ARHGAP24: variants seen among roughly 807,000 people sequenced by gnomAD.
ARHGAP24 encodes rho GTPase-activating protein 24.
ARHGAP24 carries 50 observed loss-of-function variants against 76.4 expected under a neutral mutation model. That is an observed-to-expected ratio of 0.65 (90% CI 0.52 to 0.83). The LOEUF is 0.83. Among genes scored for constraint, ARHGAP24 ranks in the 40% least tolerant of loss-of-function variants. The probability of loss-of-function intolerance (pLI) is 0.00; values close to 1 mark genes in which losing one functional copy is unlikely to be tolerated. For missense variants in ARHGAP24, 930 were observed against 914.2 expected (o/e 1.02, Z -0.22); for synonymous variants, 345 against 323.3 (o/e 1.07, Z -0.72).
chr4:85,798,800 G>A (rs761609241), intron 3 of ARHGAP24, among the ~76,000 whole-genome samples: 42 of 151,982 alleles, frequency 2.8e-4, no homozygotes, highest in Admixed American at 6.6e-4. Context: ...GGTAAGAATC[G>A]GGAAACAAAG....
intron 3 of ARHGAP24, among the ~76,000 whole-genome samples, chr4:85,765,277 T>C (rs1726886943): frequency 6.6e-6 from 1 of 152,138 alleles, no homozygotes; most frequent in Non-Finnish European, 1.5e-5. Context: ...GTGAATTGGA[T>C]TGTGCAGTGA....
intron 5 of ARHGAP24, among the ~76,000 whole-genome samples, chr4:85,945,647 C>A (rs972050541): frequency 7.9e-5 from 12 of 151,012 alleles, no homozygotes; most frequent in South Asian, 4.2e-4. Flanking sequence ...GTAATCCCAG[C>A]TGCTTGGAAG....
chr4:85,937,358 A>T (rs900146454), intron 4 of ARHGAP24, among the ~76,000 whole-genome samples: 2 of 152,206 alleles, frequency 1.3e-5, no homozygotes, highest in Non-Finnish European at 2.9e-5. Context: ...TTTAAAAAAG[A>T]GATGACTTAT....
In ARHGAP24 at chr4:85,612,792, C is replaced by CTTTTTTTTTTTTTTTTTT. The variant is rs70948739; in HGVS notation, c.180+42076_180+42093dup. Among the ~76,000 whole-genome samples, 2 of 82,780 alleles carry CTTTTTTTTTTTTTTTTTT rather than the reference C, an allele frequency of 2.4e-5. 1 individual carries two copies. Among genetic ancestry groups the CTTTTTTTTTTTTTTTTTT allele is most frequent in the African/African-American group, 9.5e-5 (2 of 21,108 alleles). The allele number at this position is 82,780 out of a possible 152,430, so 54.3% of individuals were successfully genotyped here. On this transcript the variant is annotated intron_variant, in intron 2 of 9. Transcript: ENST00000395184. ...AGCTAAAGCCCTATCCTTTCCATTC[C>CTTTTTTTTTTTTTTTTTT]TTTTTTTTTTTTTTTTTTTTTTGTG...
intron 2 of ARHGAP24, among the ~76,000 whole-genome samples, chr4:85,597,475 G>A (rs1310564585): frequency 2.0e-5 from 3 of 151,956 alleles, no homozygotes; most frequent in Admixed American, 6.6e-5. Context: ...AAAGGGTGAG[G>A]GGTAAGGTGC....
intron 3 of ARHGAP24, among the ~76,000 whole-genome samples, chr4:85,911,570 T>C (rs1735087437): frequency 6.6e-6 from 1 of 152,198 alleles, no homozygotes; most frequent in Non-Finnish European, 1.5e-5. Context: ...TGGATGCTTA[T>C]GAGAACATTG....
intron 4 of ARHGAP24, among the ~76,000 whole-genome samples, chr4:85,927,499 T>C (rs1332640750): frequency 2.0e-5 from 3 of 152,230 alleles, no homozygotes; most frequent in Non-Finnish European, 2.9e-5. Context: ...ATGGGAATTA[T>C]ATCTCAATAA....
intron 3 of ARHGAP24, among the ~76,000 whole-genome samples, chr4:85,869,444 G>A (rs1172457529): frequency 5.9e-5 from 9 of 151,928 alleles, no homozygotes; most frequent in East Asian, 5.8e-4. Context: ...CTTAGGCATT[G>A]TTACAAGATG....
At chr4:85,828,105 T>C (rs1729808825) in intron 3 of ARHGAP24, 1 of 637,372 alleles carries the variant, frequency 1.6e-6, no homozygotes, top group Non-Finnish European at 2.5e-6. Context: ...GTTTTATTTA[T>C]ACCCTTGTTT....
At chr4:85,979,931 A>C (rs886638917) in intron 8 of ARHGAP24, among the ~76,000 whole-genome samples, 1 of 152,198 alleles carries the variant, frequency 6.6e-6, no homozygotes, top group African/African-American at 2.4e-5. Flanking sequence ...CCTTCACTGA[A>C]TCTCAAATTT....
At chr4:85,831,126 C>T (rs17011039) in intron 3 of ARHGAP24, among the ~76,000 whole-genome samples, 14,545 of 152,136 alleles carry the variant, frequency 0.096, 815 homozygotes, top group South Asian at 0.19. Flanking sequence ...GACCTCAAAT[C>T]GGATTCTAAT....
intron 2 of ARHGAP24, among the ~76,000 whole-genome samples, chr4:85,623,788 C>T (rs1720814724): frequency 6.6e-6 from 1 of 151,544 alleles, no homozygotes; most frequent in South Asian, 2.1e-4. Flanking sequence ...TTGTAGTTCT[C>T]CTTGAAGAGG....
intron 2 of ARHGAP24, among the ~76,000 whole-genome samples, chr4:85,633,761 G>C (rs1200563968): frequency 6.6e-6 from 1 of 151,764 alleles, no homozygotes; most frequent in East Asian, 1.9e-4. Flanking sequence ...TTTAGGGCAG[G>C]TATAGCTCTT....
At chr4:85,687,403 T>C (rs1723463659) in intron 2 of ARHGAP24, among the ~76,000 whole-genome samples, 1 of 152,080 alleles carries the variant, frequency 6.6e-6, no homozygotes, top group African/African-American at 2.4e-5. Flanking sequence ...CAATAGGTAG[T>C]TTTTTAATCC....
chr4:85,632,314 A>G (rs561961707), intron 2 of ARHGAP24, among the ~76,000 whole-genome samples: 1 of 152,082 alleles, frequency 6.6e-6, no homozygotes, highest in Admixed American at 6.6e-5. Context: ...TCTGCCACAC[A>G]TAAAGCCTGA....
At chr4:85,798,061 A>G (rs1158448878) in intron 3 of ARHGAP24, among the ~76,000 whole-genome samples, 1 of 20,146 alleles carries the variant, frequency 5.0e-5, no homozygotes, top group African/African-American at 6.4e-5. Context: ...CCTTGAGTTT[A>G]CTACTAAAAA....
chr4:85,972,114 G>A lies in ARHGAP24; in HGVS notation c.678G>A (p.Ala226=), dbSNP rs779409795. 7 of 1,613,546 alleles carry A rather than the reference G, an allele frequency of 4.3e-6. No individual in the cohort carries two copies. Among genetic ancestry groups the A allele is most frequent in the African/African-American group, 2.7e-5 (2 of 74,798 alleles). The change falls in exon 6 of 10, where the codon GCG becomes GCA. Residue 226 remains alanine, a synonymous_variant. Coordinates refer to ENST00000395184, the MANE Select transcript of ARHGAP24 (RefSeq NM_001025616.3). ...TTCCAGAACCAGTTATTCCTTATGC[G>A]AAGTATGAAGATTTTTTGTCATGTG... is the stretch of plus-strand genomic sequence containing the variant. ...RELPEPVIPY[A]KYEDFLSCAK...
At chr4:85,549,271 G>A (rs147161812) in intron 1 of ARHGAP24, among the ~76,000 whole-genome samples, 24 of 150,276 alleles carry the variant, frequency 1.6e-4, no homozygotes, top group African/African-American at 4.4e-4. Flanking sequence ...ACTTTCACCA[G>A]CAATATATGA....
chr4:85,777,885 G>A (rs984512897), intron 3 of ARHGAP24, among the ~76,000 whole-genome samples: 10 of 152,038 alleles, frequency 6.6e-5, no homozygotes, highest in African/African-American at 9.7e-5. Flanking sequence ...CAATAAATAG[G>A]AAATACATGA....
Sources: gnomAD v4.1 joint callset for allele counts (sites outside exome capture counted in the v4.1 genomes callset) on GRCh38, gnomAD v4.1.1 for gene constraint, MANE v1.5 for transcripts, NCBI Gene and HGNC (gene_info 2026-07-23, HGNC 2026-07-21) for gene names.